The following ITGBL1 variants were observed in gnomAD, a reference collection of about 807,000 sequenced individuals.
The protein encoded by ITGBL1 is integrin beta-like protein 1.
Under a neutral mutation model 68.5 loss-of-function variants are expected in ITGBL1, and 51 were observed. That is an observed-to-expected ratio of 0.74 (90% CI 0.59 to 0.94). The LOEUF (loss-of-function observed/expected upper bound fraction) is 0.94, where lower values mean the gene tolerates loss of function less well. ITGBL1 is among the 40% of genes least tolerant of loss of function. ITGBL1 has a pLI of 0.00. For synonymous variants in ITGBL1, 209 were observed against 227.3 expected (o/e 0.92, Z 0.72); for missense variants, 649 against 647.4 (o/e 1.00, Z -0.03).
intron 7 of ITGBL1, 47 bp from the exon 8 acceptor site, chr13:101,692,538 A>G (rs926932988): frequency 7.7e-7 from 1 of 1,291,136 alleles, no homozygotes. Context: ...AGCCTTAGTG[A>G]TTCCGGGACT....
intron 7 of ITGBL1, among the ~76,000 whole-genome samples, chr13:101,653,215 GA>G (rs1228071870): frequency 6.7e-6 from 1 of 148,152 alleles, no homozygotes; most frequent in African/African-American, 2.4e-5. Context: ...AAGGAGAAAG[GA>G]AGGAAGGAAG....
intron 7 of ITGBL1, among the ~76,000 whole-genome samples, chr13:101,637,953 A>C (rs777834477): frequency 1.3e-5 from 2 of 152,194 alleles, no homozygotes; most frequent in South Asian, 2.1e-4. Flanking sequence ...TGAAGAGTAA[A>C]CTCTTATAAA....
intron 7 of ITGBL1, among the ~76,000 whole-genome samples, chr13:101,655,408 A>ATAGT (rs34611696): frequency 6.6e-6 from 1 of 152,000 alleles, no homozygotes; most frequent in Non-Finnish European, 1.5e-5. Flanking sequence ...TTATGCATTA[A>ATAGT]TTATCTTCAG....
At chr13:101,593,403 T>C (rs1475791463) in intron 6 of ITGBL1, among the ~76,000 whole-genome samples, 1 of 152,024 alleles carries the variant, frequency 6.6e-6, no homozygotes, top group Non-Finnish European at 1.5e-5. Context: ...ATGCATATAA[T>C]TCAGTAATTT....
chr13:101,701,496 G>A (rs1251158466), intron 8 of ITGBL1, among the ~76,000 whole-genome samples: 1 of 152,058 alleles, frequency 6.6e-6, no homozygotes. Flanking sequence ...TTGCCACTGC[G>A]CTCCAGCCTG....
chr13:101,692,234 A>G (rs1009620870), intron 7 of ITGBL1, among the ~76,000 whole-genome samples: 3 of 152,228 alleles, frequency 2.0e-5, no homozygotes, highest in African/African-American at 7.2e-5. Context: ...GTCAGTATAT[A>G]TAATGTATTA....
chr13:101,481,152 A>T (rs1367372997), intron 2 of ITGBL1, among the ~76,000 whole-genome samples: 1 of 148,586 alleles, frequency 6.7e-6, no homozygotes, highest in African/African-American at 2.5e-5. Flanking sequence ...ATATGTATAT[A>T]TATATATATG....
chr13:101,718,022 C>G (rs2034790938), downstream of ITGBL1: 1 of 151,842 alleles, frequency 6.6e-6, no homozygotes, highest in African/African-American at 2.4e-5. Flanking sequence ...ATTATCATAC[C>G]ATAAAAAGTT....
At chr13:101,637,018 C>T (rs1289501048) in intron 7 of ITGBL1, among the ~76,000 whole-genome samples, 1 of 152,102 alleles carries the variant, frequency 6.6e-6, no homozygotes, top group African/African-American at 2.4e-5. Flanking sequence ...AAATTGACTA[C>T]ATCTAGAAAA....
Position 101,529,501 on chromosome 13 carries a change from A to T in ITGBL1, c.317-38198A>T, listed in dbSNP as rs567084458. On this transcript the variant is annotated intron_variant, in intron 2 of 10. Coordinates refer to ENST00000376180, the MANE Select transcript of ITGBL1 (RefSeq NM_004791.3). ...CAGAAAGAACAGTAAGTGACACTGG[A>T]AAAAGAAAACTATGTTAGCATCCCT... is the stretch of plus-strand genomic sequence containing the variant. 1.8e-4 allele frequency among the ~76,000 whole-genome samples: 27 copies of T among 152,352 alleles called. No homozygotes were observed. In the South Asian group the frequency reaches 5.4e-3, roughly 30 times the overall value.
chr13:101,529,972 A>G (rs2139156713), intron 2 of ITGBL1, among the ~76,000 whole-genome samples: 1 of 152,122 alleles, frequency 6.6e-6, no homozygotes, highest in East Asian at 1.9e-4. Context: ...TTTTCTATCT[A>G]AAAAAATCAC....
chr13:101,687,969 C>T (rs1054136468), intron 7 of ITGBL1, among the ~76,000 whole-genome samples: 2 of 151,962 alleles, frequency 1.3e-5, no homozygotes, highest in Non-Finnish European at 2.9e-5. Flanking sequence ...TTCCTTCTTT[C>T]TCATGTATGA....
At chr13:101,661,584 C>A (rs1037197936) in intron 7 of ITGBL1, among the ~76,000 whole-genome samples, 1 of 152,100 alleles carries the variant, frequency 6.6e-6, no homozygotes, top group African/African-American at 2.4e-5. Context: ...ATAAAACAAA[C>A]AATTGATATT....
intron 4 of ITGBL1, among the ~76,000 whole-genome samples, chr13:101,578,047 A>T (rs768664872): frequency 6.6e-6 from 1 of 152,148 alleles, no homozygotes; most frequent in African/African-American, 2.4e-5. Context: ...GTCTCACTAT[A>T]GCACTCTTTC....
chr13:101,594,513 T>G (rs2050710294), intron 6 of ITGBL1, among the ~76,000 whole-genome samples: 1 of 150,482 alleles, frequency 6.6e-6, no homozygotes, highest in South Asian at 2.1e-4. Flanking sequence ...TCCATGCCAT[T>G]GGTCTTAGCA....
intron 2 of ITGBL1, among the ~76,000 whole-genome samples, chr13:101,566,025 A>C (rs1005532160): frequency 2.0e-5 from 3 of 152,108 alleles, no homozygotes; most frequent in Non-Finnish European, 4.4e-5. Context: ...AGGATCTAAG[A>C]TGTCCTATTT....
chr13:101,516,275 T>C (rs551530376), intron 2 of ITGBL1, among the ~76,000 whole-genome samples: 1 of 152,186 alleles, frequency 6.6e-6, no homozygotes, highest in South Asian at 2.1e-4. Flanking sequence ...CTTTGCTTTC[T>C]TTTCATGAGA....
intron 6 of ITGBL1, among the ~76,000 whole-genome samples, chr13:101,594,402 C>G (rs948962774): frequency 6.6e-6 from 1 of 152,122 alleles, no homozygotes; most frequent in African/African-American, 2.4e-5. Context: ...AAATTAGAGT[C>G]TTATCTCATA....
chr13:101,627,067 G>A (rs1052816556), intron 7 of ITGBL1, among the ~76,000 whole-genome samples: 6 of 152,098 alleles, frequency 3.9e-5, no homozygotes, highest in South Asian at 2.1e-4. Flanking sequence ...GATAAAACAC[G>A]AGAATTAAAT....
Sources: allele counts gnomAD v4.1 joint callset (sites outside exome capture counted in the v4.1 genomes callset), GRCh38; gene constraint gnomAD v4.1.1; transcripts MANE v1.5; gene names NCBI Gene and HGNC (gene_info 2026-07-23, HGNC 2026-07-21).